The following MRPL3 variants were observed in gnomAD, a reference collection of about 807,000 sequenced individuals.
MRPL3 encodes mitochondrial ribosomal protein L3, also known as large ribosomal subunit protein uL3m.
A neutral mutation model predicts 44.3 loss-of-function variants in MRPL3; 43 were observed. The observed-to-expected ratio is 0.97, with a 90% CI of 0.76 to 1.25. The LOEUF (loss-of-function observed/expected upper bound fraction) is 1.25, where lower values mean the gene tolerates loss of function less well. Among genes scored for constraint, MRPL3 ranks in the 50% most tolerant of loss-of-function variants. The pLI, the probability that MRPL3 is intolerant of heterozygous loss-of-function variation, is 0.00. For missense variants in MRPL3, 406 were observed against 427.6 expected (o/e 0.95, Z 0.45); for synonymous variants, 171 against 152.3 (o/e 1.12, Z -0.91).
Position 131,462,744 on chromosome 3 carries a change from C to T in MRPL3, c.1026G>A (p.Ala342=), listed in dbSNP as rs772132219. The T allele has an allele frequency of 1.1e-5, 17 of 1,610,398 alleles. No individual in the cohort carries two copies. Among genetic ancestry groups the T allele is most frequent in the Admixed American group, 8.4e-5 (5 of 59,724 alleles). Residue 342 remains alanine, a synonymous_variant, in exon 10 of 10, where the codon GCG becomes GCA. Transcript: ENST00000264995. ...GATGTTAGGCAAATGTAATAGAAGG[C>T]GCACCGGGCTGACACACGTTTTCAT... ...LYDENVCQPG[A]PSITFA
intron 6 of MRPL3, among the ~76,000 whole-genome samples, chr3:131,474,097 A>ATCT (rs1377908672): frequency 6.6e-6 from 1 of 152,212 alleles, no homozygotes; most frequent in Non-Finnish European, 1.5e-5. Flanking sequence ...TTGAAGAGAT[A>ATCT]TCTTGTATTT....
intron 5 of MRPL3, 144 bp from the exon 6 acceptor site, chr3:131,487,884 AATGAAATT>A: frequency 1.6e-6 from 1 of 620,606 alleles, no homozygotes; most frequent in Non-Finnish European, 2.8e-6. Flanking sequence ...ACATCCAAAC[AATGAAATT>A]ATTCAACAAA....
chr3:131,489,836 A>C (rs1180357697), intron 5 of MRPL3, 145 bp downstream of exon 5: 6 of 533,886 alleles, frequency 1.1e-5, no homozygotes, highest in Non-Finnish European at 2.0e-5. Flanking sequence ...AAAAAAAAAA[A>C]AAACAAAATG....
Position 131,502,949 on chromosome 3 carries a change from G to C in MRPL3, c.-128C>G. 1 of 865,902 alleles carries C rather than the reference G, an allele frequency of 1.2e-6. No homozygotes were observed. The highest frequency in any genetic ancestry group is 1.9e-6 in the Non-Finnish European group (1 of 531,882). 53.6% of individuals were successfully genotyped at this position (865,902 alleles called of 1,614,324 possible). A position where few individuals can be genotyped will look rare whatever the true frequency, so the allele number is the denominator to read the frequency against. On this transcript the variant is annotated 5_prime_UTR_variant, in exon 1 of 10. Coordinates refer to ENST00000264995, the MANE Select transcript of MRPL3 (RefSeq NM_007208.4). ...AAGTTTTCGCAATGGCCGCCGGAAC[G>C]GTCGCCGGCCGATGCTCTCTGCGAC...
At chr3:131,489,471 C>G (rs953529864) in intron 5 of MRPL3, among the ~76,000 whole-genome samples, 20 of 152,074 alleles carry the variant, frequency 1.3e-4, no homozygotes, top group African/African-American at 4.8e-4. Context: ...GTTCAGACAT[C>G]AAAATGTTAT....
chr3:131,470,567 CA>C (rs1933716391), intron 7 of MRPL3, among the ~76,000 whole-genome samples: 2 of 151,980 alleles, frequency 1.3e-5, no homozygotes, highest in Admixed American at 1.3e-4. Context: ...ATTCATTCTA[CA>C]AATATATTCC....
At chr3:131,483,545 C>A (rs529879279) in intron 6 of MRPL3, among the ~76,000 whole-genome samples, 4 of 152,238 alleles carry the variant, frequency 2.6e-5, no homozygotes, top group East Asian at 1.9e-4. Context: ...CACACCCTAA[C>A]GTGACACTGG....
chr3:131,483,392 T>C (rs929427676), intron 6 of MRPL3, among the ~76,000 whole-genome samples: 2 of 152,336 alleles, frequency 1.3e-5, no homozygotes, highest in African/African-American at 4.8e-5. Context: ...AATGTTCTGC[T>C]AGGCAGTTTT....
chr3:131,471,066 G>T lies in MRPL3; in HGVS notation c.738+105C>A, dbSNP rs1933731757. 7 of 761,182 alleles carry T rather than the reference G, an allele frequency of 9.2e-6. No individual in the cohort carries two copies. In the South Asian group the frequency reaches 1.1e-4, roughly 12 times the overall value. 47.2% of individuals were successfully genotyped at this position (761,182 alleles called of 1,614,324 possible). ...GGTGACAAGTACATGGAGTCCCCTT[G>T]TGTCAGACTAAAATTATGTGACTTC... On this transcript the variant is annotated intron_variant, in intron 7 of 9. Transcript: ENST00000264995.
At chr3:131,494,293 C>T (rs558324282) in intron 4 of MRPL3, among the ~76,000 whole-genome samples, 22 of 152,234 alleles carry the variant, frequency 1.4e-4, no homozygotes, top group Admixed American at 3.3e-4. Context: ...GAAATTAACA[C>T]TAACACCCAA....
chr3:131,478,978 C>T (rs1933916666), intron 6 of MRPL3: 1 of 363,092 alleles, frequency 2.8e-6, no homozygotes, highest in Non-Finnish European at 5.3e-6. Flanking sequence ...CAGGTGTGAG[C>T]CACTATGCCC....
chr3:131,464,665 T>TATTATAATATATA (rs1218089444), intron 9 of MRPL3, among the ~76,000 whole-genome samples: 1 of 152,206 alleles, frequency 6.6e-6, no homozygotes, highest in African/African-American at 2.4e-5. Context: ...CATTTATACT[T>TATTATAATATATA]ATTATGCTGT....
At chr3:131,489,352 T>C (rs1934198092) in intron 5 of MRPL3, among the ~76,000 whole-genome samples, 1 of 152,126 alleles carries the variant, frequency 6.6e-6, no homozygotes, top group South Asian at 2.1e-4. Flanking sequence ...ACTGCAACTG[T>C]ATTTTACTTA....
intron 6 of MRPL3, among the ~76,000 whole-genome samples, chr3:131,473,922 G>A (rs1933795888): frequency 6.6e-6 from 1 of 152,126 alleles, no homozygotes. Context: ...GCGTTGGTGA[G>A]AACGTGGATA....
intron 6 of MRPL3, chr3:131,479,346 CTTCT>C (rs1189671700): frequency 1.6e-5 from 4 of 251,470 alleles, no homozygotes; most frequent in East Asian, 1.1e-4. Flanking sequence ...GGACACTTGA[CTTCT>C]TTAAGAATAC....
chr3:131,499,956 A>G (rs1041032873), intron 3 of MRPL3, among the ~76,000 whole-genome samples: 2 of 152,210 alleles, frequency 1.3e-5, no homozygotes, highest in Admixed American at 1.3e-4. Context: ...TGGCAGAATC[A>G]AGATTGCAAC....
chr3:131,470,193 G>A (rs898904334), intron 7 of MRPL3, among the ~76,000 whole-genome samples: 1 of 152,062 alleles, frequency 6.6e-6, no homozygotes, highest in African/African-American at 2.4e-5. Flanking sequence ...TGGTCCTACT[G>A]CTCCTTGCTT....
At chr3:131,472,982 C>A (rs1933773158) in intron 6 of MRPL3, among the ~76,000 whole-genome samples, 1 of 152,074 alleles carries the variant, frequency 6.6e-6, no homozygotes, top group African/African-American at 2.4e-5. Context: ...AACGGCCATA[C>A]TATACAAAGT....
At chr3:131,470,754 T>C (rs1057333464) in intron 7 of MRPL3, among the ~76,000 whole-genome samples, 11 of 152,118 alleles carry the variant, frequency 7.2e-5, no homozygotes, top group African/African-American at 1.9e-4. Context: ...CATTTTAATT[T>C]TCCCATTTTC....
Sources: allele counts gnomAD v4.1 joint callset (sites outside exome capture counted in the v4.1 genomes callset), GRCh38; gene constraint gnomAD v4.1.1; transcripts MANE v1.5; gene names NCBI Gene and HGNC (gene_info 2026-07-23, HGNC 2026-07-21).